PREX2: variants seen among roughly 807,000 people sequenced by gnomAD.
PREX2 encodes the protein phosphatidylinositol-3,4,5-trisphosphate dependent Rac exchange factor 2, also known as phosphatidylinositol 3,4,5-trisphosphate-dependent Rac exchanger 2 protein.
Under a neutral mutation model 203.2 loss-of-function variants are expected in PREX2, and 107 were observed. That is an observed-to-expected ratio of 0.53 (90% CI 0.45 to 0.62). The LOEUF (loss-of-function observed/expected upper bound fraction) is 0.62, where lower values mean the gene tolerates loss of function less well. Among genes scored for constraint, PREX2 ranks in the 20% least tolerant of loss-of-function variants. The probability of loss-of-function intolerance (pLI) is 0.00; values close to 1 mark genes in which losing one functional copy is unlikely to be tolerated. For synonymous variants in PREX2, 672 were observed against 663.6 expected (o/e 1.01, Z -0.19); for missense variants, 1,777 against 1,955.9 (o/e 0.91, Z 1.72).
rs964579317 is a variant in PREX2, at chr8:68,120,968, C to T, written c.3643C>T (p.Arg1215Trp). 11 of 1,613,288 alleles carry T rather than the reference C, an allele frequency of 6.8e-6. No individual in the cohort carries two copies. Among genetic ancestry groups the T allele is most frequent in the East Asian group, 2.2e-5 (1 of 44,860 alleles). The part of the protein sequence containing the change: ...EPKLSCPKRL[R>W]LHIKQDPWNL... ...AAAGCTGAGTTGTCCAAAAAGGCTA[C>T]GGCTTCATATCAAGCAAGATCCTTG... Residue 1215 changes from arginine (R) to tryptophan (W), a missense_variant, in exon 30 of 40, where the codon CGG becomes TGG. Arg to Trp is a moderately radical substitution (Grantham distance 101). Coordinates refer to ENST00000288368, the MANE Select transcript of PREX2 (RefSeq NM_024870.4).
At chr8:68,048,967 TAAC>T (rs1311790154) in intron 8 of PREX2, among the ~76,000 whole-genome samples, 2 of 152,108 alleles carry the variant, frequency 1.3e-5, no homozygotes, top group African/African-American at 4.8e-5. Flanking sequence ...AACAATGGCT[TAAC>T]AATGTTGAAA....
At chr8:68,193,504 A>T (rs529332730) in intron 37 of PREX2, among the ~76,000 whole-genome samples, 6 of 152,322 alleles carry the variant, frequency 3.9e-5, no homozygotes, top group African/African-American at 9.6e-5. Flanking sequence ...CATGCAAAGG[A>T]TTGCAGTCAG....
chr8:68,188,609 C>T (rs1334005279), intron 35 of PREX2, among the ~76,000 whole-genome samples: 1 of 152,158 alleles, frequency 6.6e-6, no homozygotes, highest in East Asian at 1.9e-4. Flanking sequence ...CTGGGGAGGC[C>T]TCACAATCAT....
chr8:68,221,067 C>A (rs570602745), intron 38 of PREX2, among the ~76,000 whole-genome samples: 26 of 152,166 alleles, frequency 1.7e-4, no homozygotes, highest in Non-Finnish European at 4.4e-5. Context: ...ATCTTTATGT[C>A]CATGTGTACT....
chr8:68,145,640 G>A (rs1294824685), intron 33 of PREX2, among the ~76,000 whole-genome samples: 1 of 152,056 alleles, frequency 6.6e-6, no homozygotes, highest in Non-Finnish European at 1.5e-5. Flanking sequence ...TAGTTTTCAA[G>A]TTGATTGGTT....
chr8:68,185,832 C>CA (rs1162880327), intron 35 of PREX2, among the ~76,000 whole-genome samples: 1 of 148,380 alleles, frequency 6.7e-6, no homozygotes, highest in East Asian at 1.9e-4. Context: ...ACATACTCTG[C>CA]AGCCCATATA....
At chr8:68,095,719 C>T (rs1810049955) in intron 21 of PREX2, among the ~76,000 whole-genome samples, 1 of 151,312 alleles carries the variant, frequency 6.6e-6, no homozygotes, top group Non-Finnish European at 1.5e-5. Flanking sequence ...TTACTGCAAC[C>T]TCTAATTTCT....
In PREX2 at chr8:68,149,317, C is replaced by T. The variant is rs185902371; in HGVS notation, c.4231+2965C>T. Reference sequence around the variant, plus strand: ...CAGGGTTGGAAGTGAGCAGGGTTGGCGGCCAATGTGTATTGCTGAAGGCAA... The same window carrying T: ...CAGGGTTGGAAGTGAGCAGGGTTGGTGGCCAATGTGTATTGCTGAAGGCAA... On this transcript the variant is annotated intron_variant, in intron 34 of 39. Transcript: ENST00000288368. Among the ~76,000 whole-genome samples, 8 of 152,230 alleles carry T rather than the reference C, an allele frequency of 5.3e-5. No individual in the cohort carries two copies. The East Asian group carries it at 5.8e-4, about 11-fold the overall frequency.
intron 4 of PREX2, among the ~76,000 whole-genome samples, chr8:68,025,863 A>G (rs1807702093): frequency 1.3e-5 from 2 of 152,246 alleles, no homozygotes; most frequent in South Asian, 2.1e-4. Context: ...TTCGCAATCT[A>G]TACAGTACTA....
intron 37 of PREX2, among the ~76,000 whole-genome samples, chr8:68,197,755 A>T (rs1200237598): frequency 6.7e-6 from 1 of 148,238 alleles, no homozygotes; most frequent in Non-Finnish European, 1.5e-5. Context: ...CTATATATAT[A>T]TGCTATATTA....
At chr8:68,024,503 T>C (rs1032429844) in intron 4 of PREX2, among the ~76,000 whole-genome samples, 5 of 151,984 alleles carry the variant, frequency 3.3e-5, no homozygotes, top group Admixed American at 2.6e-4. Context: ...CTCTTACTAT[T>C]TGTATATCTT....
Position 68,069,881 on chromosome 8 carries a change from TA to T in PREX2, c.1492del (p.Arg498GlufsTer7). On this transcript the variant is annotated frameshift_variant and splice_region_variant, in exon 13 of 40. Transcript: ENST00000288368. LOFTEE classifies it high-confidence loss of function. The stretch of plus-strand genomic sequence containing the variant: ...CTTCATAGCCTTTTTACTCCAGTGA[TA>T]AGGTGAGTCTGGTTTTTAAGTTCTG... The part of the protein sequence containing the change: ...CRLHSLFTPV[I>X]RDKDYHLRTY... The T allele has an allele frequency of 6.5e-7, 1 of 1,536,186 alleles. No homozygotes were observed. The highest frequency in any genetic ancestry group is 8.9e-7 in the Non-Finnish European group (1 of 1,120,540).
chr8:68,093,738 T>C lies in PREX2; in HGVS notation c.2368+16T>C. 2.3e-6 allele frequency: 3 copies of C among 1,325,906 alleles called. No homozygotes were observed. In the South Asian group the frequency reaches 3.6e-5, roughly 16 times the overall value. The allele number at this position is 1,325,906 out of a possible 1,614,324, so 82.1% of individuals were successfully genotyped here. A position where few individuals can be genotyped will look rare whatever the true frequency, so the allele number is the denominator to read the frequency against. ...AAAGTAGAAGGTAGGTTTCTTATTT[T>C]CTTCTTCATGTGCTTATAGTATTCT... On this transcript the variant is annotated intron_variant, in intron 21 of 39. Coordinates refer to ENST00000288368, the MANE Select transcript of PREX2 (RefSeq NM_024870.4).
intron 35 of PREX2, among the ~76,000 whole-genome samples, chr8:68,181,409 T>C (rs1356734153): frequency 6.6e-6 from 1 of 152,170 alleles, no homozygotes; most frequent in Non-Finnish European, 1.5e-5. Flanking sequence ...CAGCTATTTA[T>C]AAGATGAGAC....
At chr8:68,127,795 T>G (rs1210618276) in intron 31 of PREX2, among the ~76,000 whole-genome samples, 1 of 152,122 alleles carries the variant, frequency 6.6e-6, no homozygotes, top group Non-Finnish European at 1.5e-5. Context: ...TTACAAATCT[T>G]ACATTAAAAC....
chr8:67,952,537 T>G lies in PREX2; in HGVS notation c.141+2T>G, dbSNP rs897918752. ...GGCACGCTGGAGTTCCTGGTGTCGG[T>G]GAGTGTCCCCGGCAGACGCAGGGGG... On this transcript the variant is annotated splice_donor_variant, in intron 1 of 39. Coordinates refer to ENST00000288368, the MANE Select transcript of PREX2 (RefSeq NM_024870.4). LOFTEE classifies it high-confidence loss of function. 5.6e-6 allele frequency: 9 copies of G among 1,608,594 alleles called. No individual in the cohort carries two copies. Among genetic ancestry groups the G allele is most frequent in the Non-Finnish European group, 7.6e-6 (9 of 1,177,692 alleles).
intron 37 of PREX2, among the ~76,000 whole-genome samples, chr8:68,207,603 G>A (rs964003862): frequency 6.6e-6 from 1 of 151,974 alleles, no homozygotes; most frequent in Non-Finnish European, 1.5e-5. Flanking sequence ...AATTTTGAAC[G>A]TTTATTGAGA....
chr8:67,973,975 A>G (rs1805999143), intron 1 of PREX2, among the ~76,000 whole-genome samples: 1 of 152,162 alleles, frequency 6.6e-6, no homozygotes, highest in African/African-American at 2.4e-5. Context: ...TTTTTCCTTC[A>G]TATATTCTAT....
In PREX2 at chr8:68,036,808, G is replaced by A. The variant is rs2129610674; in HGVS notation, c.706-1351G>A. On this transcript the variant is annotated intron_variant, in intron 6 of 39. Transcript: ENST00000288368. ...TAAAAATATAAAATTAGCTGGGCGT[G>A]GTGGCATGCCTGTAATCCTAGCTAC... Among the ~76,000 whole-genome samples, 4 of 152,090 alleles carry A rather than the reference G, an allele frequency of 2.6e-5. No individual in the cohort carries two copies. In the South Asian group the frequency reaches 8.3e-4, roughly 32 times the overall value.
Sources: allele counts gnomAD v4.1 joint callset (sites outside exome capture counted in the v4.1 genomes callset), GRCh38; gene constraint gnomAD v4.1.1; transcripts MANE v1.5; gene names NCBI Gene and HGNC (gene_info 2026-07-23, HGNC 2026-07-21).